LPIN3: variants seen among roughly 807,000 people sequenced by gnomAD.
LPIN3 encodes the protein lipin 3.
Under a neutral mutation model 94.7 loss-of-function variants are expected in LPIN3, and 82 were observed. The observed-to-expected ratio is 0.87, with a 90% CI of 0.72 to 1.04. The LOEUF is 1.04. Ranked by LOEUF, LPIN3 falls within the 50% of genes least tolerant of loss-of-function variation. The pLI is 0.00. For synonymous variants in LPIN3, 418 were observed against 443.3 expected (o/e 0.94, Z 0.72); for missense variants, 996 against 1,090.5 (o/e 0.91, Z 1.22).
intron 1 of LPIN3, among the ~76,000 whole-genome samples, chr20:41,343,810 G>A (rs1055477210): frequency 3.3e-5 from 5 of 152,188 alleles, no homozygotes; most frequent in Admixed American, 2.0e-4. Flanking sequence ...CTGTAGTCCC[G>A]GCACTTTGGT....
At chr20:41,353,825 T>G (rs1431412488) in intron 11 of LPIN3, among the ~76,000 whole-genome samples, 1 of 152,188 alleles carries the variant, frequency 6.6e-6, no homozygotes, top group Admixed American at 6.5e-5. Context: ...TCACTGCCAT[T>G]GGGTGACAGC....
intron 1 of LPIN3, among the ~76,000 whole-genome samples, chr20:41,345,476 C>T (rs772416062): frequency 3.3e-5 from 5 of 152,210 alleles, no homozygotes; most frequent in Non-Finnish European, 7.3e-5. Context: ...ACACTGTGGT[C>T]ATTATCATTA....
intron 1 of LPIN3, among the ~76,000 whole-genome samples, chr20:41,344,061 CAA>C (rs201851348): frequency 3.1e-5 from 4 of 130,202 alleles, no homozygotes; most frequent in Non-Finnish European, 1.7e-5. Context: ...GATCCTGTCT[CAA>C]AAAAAAAAAA....
intron 2 of LPIN3, among the ~76,000 whole-genome samples, chr20:41,346,406 C>T (rs1007761062): frequency 2.0e-5 from 3 of 152,212 alleles, no homozygotes; most frequent in Non-Finnish European, 2.9e-5. Context: ...TCAGGGCCAG[C>T]TATGTGGGAA....
At chr20:41,342,986 C>T (rs2146903339) in intron 1 of LPIN3, among the ~76,000 whole-genome samples, 1 of 152,250 alleles carries the variant, frequency 6.6e-6, no homozygotes, top group South Asian at 2.1e-4. Flanking sequence ...TGGTTCTCAG[C>T]TGGGGGCAAT....
intron 3 of LPIN3, 46 bp from the exon 4 acceptor site, chr20:41,348,573 C>T: frequency 6.4e-7 from 1 of 1,560,230 alleles, no homozygotes; most frequent in South Asian, 1.2e-5. Flanking sequence ...TGAGCGCAGC[C>T]CCACTAGGGT....
At chr20:41,352,968 T>C in intron 11 of LPIN3, 101 bp downstream of exon 11, 1 of 1,347,258 alleles carries the variant, frequency 7.4e-7, no homozygotes. Context: ...GAGATGGGCC[T>C]GGGAGCCAGG....
intron 7 of LPIN3, 107 bp from the exon 8 acceptor site, chr20:41,351,714 G>T: frequency 1.1e-6 from 1 of 929,602 alleles, no homozygotes. Context: ...ACTGCAGAAG[G>T]TTCTGCTGGG....
intron 7 of LPIN3, 34 bp from the exon 8 acceptor site, chr20:41,351,787 T>A (rs751594537): frequency 1.2e-6 from 2 of 1,600,112 alleles, no homozygotes; most frequent in Non-Finnish European, 1.7e-6. Context: ...TGAGCACATG[T>A]CAGCTCTACA....
At position 41,351,300 on chromosome 20, in the gene LPIN3, AT is replaced by A. The variant is rs149694237; in HGVS notation, c.1103-507del. On this transcript the variant is annotated intron_variant, in intron 7 of 19. Coordinates refer to ENST00000373257, the MANE Select transcript of LPIN3 (RefSeq NM_022896.3). ...AATTGCAATTAAAATATAAAATTCC[AT>A]TTTTTTTTTTTTTGAGATGGAGTCT... 7.9e-3 allele frequency among the ~76,000 whole-genome samples: 1,081 copies of A among 135,988 alleles called. 6 individuals are homozygous for A. Among genetic ancestry groups the A allele is most frequent in the African/African-American group, 0.023 (832 of 36,532 alleles). The allele number at this position is 135,988 out of a possible 152,430, so 89.2% of individuals were successfully genotyped here.
In LPIN3 at chr20:41,348,860, C is replaced by T. The variant is rs199523729; in HGVS notation, c.530C>T (p.Pro177Leu). 1.5e-4 allele frequency: 233 copies of T among 1,606,798 alleles called. No individual in the cohort carries two copies. The East Asian group carries it at 2.5e-3, about 17-fold the overall frequency. The change falls in exon 4 of 20, where the codon CCG becomes CTG. Residue 177 changes from proline (P) to leucine (L), a missense_variant. Physicochemically the swap from Pro to Leu is moderately conservative, Grantham distance 98. Coordinates refer to ENST00000373257, the MANE Select transcript of LPIN3 (RefSeq NM_022896.3). ...GGCGCTGAGAGTGAGCTATCCCTGC[C>T]GGAAAAGCTGAGGCCAGAGCCCCCA... ...EAGAESELSL[P>L]EKLRPEPPGV...
intron 2 of LPIN3, among the ~76,000 whole-genome samples, chr20:41,346,607 G>C (rs2146930166): frequency 6.6e-6 from 1 of 152,312 alleles, no homozygotes; most frequent in African/African-American, 2.4e-5. Context: ...CGGGTGTGGT[G>C]GTGGGCACCT....
chr20:41,354,575 C>CTA (rs2046140182), intron 11 of LPIN3, 70 bp from the exon 12 acceptor site: 3 of 1,452,988 alleles, frequency 2.1e-6, no homozygotes, highest in South Asian at 2.8e-5. Context: ...GTGGAGGGTC[C>CTA]CAAGAACAAC....
At chr20:41,351,398 G>A (rs1031284890) in intron 7 of LPIN3, among the ~76,000 whole-genome samples, 1 of 150,270 alleles carries the variant, frequency 6.7e-6, no homozygotes, top group Non-Finnish European at 1.5e-5. Flanking sequence ...CCGGGTTCAA[G>A]TGATTCTCCT....
chr20:41,352,276 G>C, intron 9 of LPIN3, 56 bp downstream of exon 9: 1 of 1,592,258 alleles, frequency 6.3e-7, no homozygotes, highest in Non-Finnish European at 8.6e-7. Flanking sequence ...CCAGAGGATG[G>C]GGAGGGCAGG....
chr20:41,348,917 A>T, intron 4 of LPIN3, 30 bp downstream of exon 4: 1 of 1,591,766 alleles, frequency 6.3e-7, no homozygotes, highest in African/African-American at 1.3e-5. Context: ...CTTGAACCCC[A>T]GTTTGGGGGT....
rs760976147 is a variant in LPIN3, at chr20:41,355,274, G to C, written c.1664+411G>C. 8.2e-4 allele frequency among the ~76,000 whole-genome samples: 125 copies of C among 152,202 alleles called. 1 individual carries two copies. The highest frequency in any genetic ancestry group is 1.4e-3 in the Non-Finnish European group (92 of 68,018). ...GTGATCTGCCCACCTTGGCATCCCA[G>C]AGTGTTGGGATTACAGGCGTGAGCC... On this transcript the variant is annotated intron_variant, in intron 13 of 19. Transcript: ENST00000373257.
intron 13 of LPIN3, 77 bp downstream of exon 13, chr20:41,354,940 AG>A: frequency 7.1e-7 from 1 of 1,403,060 alleles, no homozygotes; most frequent in Non-Finnish European, 9.6e-7. Flanking sequence ...GGTGGCAGGG[AG>A]GAGCCAGCAC....
chr20:41,357,215 G>A (rs2046240242), intron 15 of LPIN3, 27 bp downstream of exon 15: 2 of 1,612,918 alleles, frequency 1.2e-6, no homozygotes, highest in Admixed American at 1.7e-5. Context: ...TGTGGGAAGG[G>A]GAGGGAGAGG....
Sources: gnomAD v4.1 joint callset for allele counts (sites outside exome capture counted in the v4.1 genomes callset) on GRCh38, gnomAD v4.1.1 for gene constraint, MANE v1.5 for transcripts, NCBI Gene and HGNC (gene_info 2026-07-23, HGNC 2026-07-21) for gene names.